Variants in PACS2 observed in about 807,000 individuals in gnomAD.
PACS2 encodes the protein phosphofurin acidic cluster sorting protein 2, also known as PACS1-like protein.
PACS2 carries 36 observed loss-of-function variants against 113.0 expected under a neutral mutation model. The ratio of observed to expected loss-of-function variants is 0.32; its 90% CI spans 0.24 to 0.42. The LOEUF is 0.42. Among genes scored for constraint, PACS2 ranks in the 10% least tolerant of loss-of-function variants. The probability of loss-of-function intolerance (pLI) is 1.00; values close to 1 mark genes in which losing one functional copy is unlikely to be tolerated. For missense variants in PACS2, 1,015 were observed against 1,239.5 expected (o/e 0.82, Z 2.72); for synonymous variants, 589 against 536.1 (o/e 1.10, Z -1.36).
chr14:105,383,623 G>A (rs983365938), intron 16 of PACS2, 110 bp downstream of exon 16: 46 of 971,984 alleles, frequency 4.7e-5, no homozygotes, highest in Middle Eastern at 2.4e-4. Context: ...GGCGTGGCGC[G>A]GTGTGTCGTG....
At chr14:105,335,419 ACGCTGTGGCCGGCGCCTGGCG>A (rs1476866226) in intron 1 of PACS2, among the ~76,000 whole-genome samples, 9 of 151,736 alleles carry the variant, frequency 5.9e-5, no homozygotes, top group African/African-American at 1.9e-4. Flanking sequence ...CGTGGCTCTG[ACGCTGTGGCCGGCGCCTGGCG>A]TGGCTCTGAC....
In PACS2 at chr14:105,357,922, G is replaced by T. The variant is rs1411018154; in HGVS notation, c.423+2745G>T. Among the ~76,000 whole-genome samples the T allele has an allele frequency of 1.3e-5, 2 of 152,196 alleles. No homozygotes were observed. The highest frequency in any genetic ancestry group is 4.8e-5 in the African/African-American group (2 of 41,458). ...GGCACAGGGTGGGGTGAGGCGGGCT[G>T]TTGGGCGGACTCGAGGCCAGGGCTG... On this transcript the variant is annotated intron_variant, in intron 4 of 24. Coordinates refer to ENST00000447393, the MANE Select transcript of PACS2 (RefSeq NM_001100913.3). The surrounding 1 kb of genome is among the most constrained non-coding windows in gnomAD (Gnocchi z 5.1).
At position 105,395,378 on chromosome 14, in the gene PACS2, C is replaced by G. The variant is rs968899767; in HGVS notation, c.*706C>G. 3 of 152,114 alleles carry G rather than the reference C, an allele frequency of 2.0e-5. No individual in the cohort carries two copies. The South Asian group carries it at 6.2e-4, about 32-fold the overall frequency. 9.4% of individuals were successfully genotyped at this position (152,114 alleles called of 1,614,324 possible). Reference sequence around the variant, plus strand: ...CACTCTCAGGCTGTTCTTGAAACACCATGAGGCTTCTGCGTGTAGTCCCTG... The same window carrying G: ...CACTCTCAGGCTGTTCTTGAAACACGATGAGGCTTCTGCGTGTAGTCCCTG... On this transcript the variant is annotated 3_prime_UTR_variant, in exon 25 of 25. Transcript: ENST00000447393.
chr14:105,384,775 G>A (rs1367206844), intron 17 of PACS2, 104 bp from the exon 18 acceptor site: 4 of 753,006 alleles, frequency 5.3e-6, no homozygotes, highest in South Asian at 1.6e-5. Flanking sequence ...GCCGCGCTTC[G>A]GGGTACGGGA....
At chr14:105,304,404 C>G (rs1465567322) in intron 1 of PACS2, among the ~76,000 whole-genome samples, 1 of 152,230 alleles carries the variant, frequency 6.6e-6, no homozygotes, top group Admixed American at 6.5e-5. Context: ...AGGAGAATTG[C>G]TTGAACCTGG....
At position 105,380,169 on chromosome 14, in the gene PACS2, G is replaced by A. The variant is rs1166912609; in HGVS notation, c.1125+15G>A. 4 of 1,548,130 alleles carry A rather than the reference G, an allele frequency of 2.6e-6. No individual in the cohort carries two copies. The highest frequency in any genetic ancestry group is 3.5e-6 in the Non-Finnish European group (4 of 1,145,044). On this transcript the variant is annotated intron_variant, in intron 11 of 24. Coordinates refer to ENST00000447393, the MANE Select transcript of PACS2 (RefSeq NM_001100913.3). ...CGGTGGCCCTCGTAAGCAGGCTTGG[G>A]CCGCACCCACCCGTTCCACACATCA... is the stretch of plus-strand genomic sequence containing the variant.
intron 1 of PACS2, chr14:105,336,696 C>T (rs1294750098): frequency 6.6e-6 from 1 of 152,408 alleles, no homozygotes; most frequent in African/African-American, 2.4e-5. Context: ...GTGGGCCCTA[C>T]TTGTGGGAGG....
intron 1 of PACS2, among the ~76,000 whole-genome samples, chr14:105,331,181 C>A (rs2059291485): frequency 6.6e-6 from 1 of 152,226 alleles, no homozygotes; most frequent in Non-Finnish European, 1.5e-5. Flanking sequence ...TCTCAAACTC[C>A]TGACCTCAGG....
intron 23 of PACS2, 94 bp downstream of exon 23, chr14:105,392,939 C>T: frequency 9.6e-7 from 1 of 1,043,322 alleles, no homozygotes; most frequent in Non-Finnish European, 1.4e-6. Flanking sequence ...AGCCCCCGGG[C>T]TGGCCTCGGG....
chr14:105,369,936 G>A (rs782053098), intron 8 of PACS2, 36 bp downstream of exon 8: 35 of 1,562,160 alleles, frequency 2.2e-5, no homozygotes, highest in East Asian at 1.6e-4. Flanking sequence ...CGGCCCCCAC[G>A]CCTGCAACAG....
In PACS2 at chr14:105,356,885, G is replaced by C. The variant is rs1374986799; in HGVS notation, c.423+1708G>C. On this transcript the variant is annotated intron_variant, in intron 4 of 24. Transcript: ENST00000447393. The surrounding 1 kb of genome is among the most constrained non-coding windows in gnomAD (Gnocchi z 4.0). ...CCATTAGCCATTCAGGCGATGTCCT[G>C]CTGATCCCTGCTGGTCCCTGTGTTT... Among the ~76,000 whole-genome samples, 1 of 141,848 alleles carries C rather than the reference G, an allele frequency of 7.0e-6. No individual in the cohort carries two copies. The highest frequency in any genetic ancestry group is 2.0e-4 in the East Asian group (1 of 5,058). 93.1% of individuals were successfully genotyped at this position (141,848 alleles called of 152,430 possible).
At chr14:105,314,507 T>G (rs1390198871), upstream of PACS2, 4 of 144,686 alleles carry the variant, frequency 2.8e-5, no homozygotes, top group African/African-American at 1.0e-4. Context: ...GGCGCGTGAG[T>G]GCGCGCTCTC....
intron 1 of PACS2, among the ~76,000 whole-genome samples, chr14:105,335,488 C>A (rs994760416): frequency 8.5e-5 from 13 of 152,232 alleles, no homozygotes; most frequent in African/African-American, 2.7e-4. Context: ...GATGTGCTGA[C>A]TCCGGCACCA....
chr14:105,342,230 C>CTGTG (rs373390359), intron 1 of PACS2, among the ~76,000 whole-genome samples: 14,858 of 140,212 alleles, frequency 0.11, 1,033 homozygotes, highest in African/African-American at 0.2. Flanking sequence ...AAGCTGCTGC[C>CTGTG]TGTGTGTGTG....
At position 105,394,341 on chromosome 14, in the gene PACS2, T is replaced by C. The variant is rs149206165; in HGVS notation, c.2597-213T>C. 1.4e-3 allele frequency: 1,402 copies of C among 984,910 alleles called. 15 individuals are homozygous for C. In the African/African-American group the frequency reaches 0.023, roughly 16 times the overall value. The allele number at this position is 984,910 out of a possible 1,614,324, so 61.0% of individuals were successfully genotyped here. On this transcript the variant is annotated intron_variant, in intron 24 of 24. Transcript: ENST00000447393. Reference sequence around the variant, plus strand: ...CCTCCCCACCCCCCAGGGCTCTGAGTGTGGAGGGCAGGGGCAGGAATGGCG... The same window carrying C: ...CCTCCCCACCCCCCAGGGCTCTGAGCGTGGAGGGCAGGGGCAGGAATGGCG...
Position 105,368,104 on chromosome 14 carries a change from T to A in PACS2, c.617T>A (p.Phe206Tyr). The A allele has an allele frequency of 6.2e-7, 1 of 1,611,094 alleles. No homozygotes were observed. The highest frequency in any genetic ancestry group is 8.5e-7 in the Non-Finnish European group (1 of 1,178,158). The change falls in exon 6 of 25, where the codon TTC (phenylalanine) becomes TAC (tyrosine). Residue 206 changes from phenylalanine (F) to tyrosine (Y), a missense_variant. Physicochemically the swap from Phe to Tyr is conservative, Grantham distance 22 (BLOSUM62 3). Coordinates refer to ENST00000447393, the MANE Select transcript of PACS2 (RefSeq NM_001100913.3). ...DNYSEEEYES[F>Y]SSEQEASDDA... The stretch of plus-strand genomic sequence containing the variant: ...TACTCCGAGGAGGAGTATGAGAGCT[T>A]CTCCTCCGAGCAGGAGGCCAGTGAC...
intron 4 of PACS2, among the ~76,000 whole-genome samples, chr14:105,362,232 C>T (rs587739885): frequency 2.0e-5 from 3 of 150,398 alleles, no homozygotes; most frequent in East Asian, 2.0e-4. Flanking sequence ...TCCTGGCTAA[C>T]ACAGTGAAAC....
intron 9 of PACS2, among the ~76,000 whole-genome samples, chr14:105,378,330 C>T (rs782726386): frequency 6.6e-6 from 1 of 152,242 alleles, no homozygotes. Context: ...GCACACACAG[C>T]AGCAAGTTTC....
At chr14:105,374,565 C>T (rs1555410004) in intron 8 of PACS2, 2 of 152,242 alleles carry the variant, frequency 1.3e-5, no homozygotes, top group Admixed American at 1.3e-4. Flanking sequence ...CCTGCCCTGA[C>T]TCGCTGCTGT....
Sources: allele counts gnomAD v4.1 joint callset (sites outside exome capture counted in the v4.1 genomes callset), GRCh38; gene constraint gnomAD v4.1.1; non-coding constraint Gnocchi (gnomAD v3.1); transcripts MANE v1.5; gene names NCBI Gene and HGNC (gene_info 2026-07-23, HGNC 2026-07-21).